The following IGF2R variants were observed in gnomAD, a reference collection of about 807,000 sequenced individuals.
IGF2R encodes the protein insulin like growth factor 2 receptor, also known as cation-independent mannose-6-phosphate receptor.
A neutral mutation model predicts 270.6 loss-of-function variants in IGF2R; 91 were observed. The observed-to-expected ratio is 0.34, with a 90% confidence interval of 0.28 to 0.40. The LOEUF is 0.40. Ranked by LOEUF, IGF2R falls within the 10% of genes least tolerant of loss-of-function variation. IGF2R has a pLI of 1.00. For missense variants in IGF2R, 2,805 were observed against 3,188.3 expected (o/e 0.88, Z 2.90); for synonymous variants, 1,316 against 1,258.9 (o/e 1.05, Z -0.96).
intron 2 of IGF2R, among the ~76,000 whole-genome samples, chr6:160,007,951 A>G (rs1374500689): frequency 6.6e-6 from 1 of 152,224 alleles, no homozygotes. Flanking sequence ...TGATGTTTAC[A>G]TCTTTAATCC....
chr6:160,030,670 T>G (rs985652702), intron 7 of IGF2R, among the ~76,000 whole-genome samples: 4 of 152,202 alleles, frequency 2.6e-5, no homozygotes, highest in African/African-American at 9.7e-5. Context: ...TTTTCCCTTT[T>G]TATTTGTTCT....
At chr6:159,974,382 G>A (rs1048329487) in intron 1 of IGF2R, among the ~76,000 whole-genome samples, 1 of 152,028 alleles carries the variant, frequency 6.6e-6, no homozygotes, top group African/African-American at 2.4e-5. Flanking sequence ...AATTGTTTTT[G>A]GGTTCTTCTC....
intron 1 of IGF2R, among the ~76,000 whole-genome samples, chr6:159,983,894 C>T (rs548708311): frequency 3.8e-4 from 58 of 152,066 alleles, no homozygotes; most frequent in Non-Finnish European, 6.3e-4. Flanking sequence ...CCATGGAAAC[C>T]AGTTGGGTAT....
chr6:160,047,079 G>A (rs1322129957), intron 15 of IGF2R, 80 bp from the exon 16 acceptor site: 7 of 1,366,544 alleles, frequency 5.1e-6, no homozygotes, highest in Admixed American at 1.7e-5. Flanking sequence ...CGTCGCTCAC[G>A]GGCCCTCCCT....
chr6:160,022,257 C>G, intron 4 of IGF2R, among the ~76,000 whole-genome samples: 1 of 152,058 alleles, frequency 6.6e-6, no homozygotes. Flanking sequence ...GGTGGGAGGG[C>G]AGTGAGGGTT....
At chr6:160,001,432 T>G (rs1043308052) in intron 2 of IGF2R, among the ~76,000 whole-genome samples, 5 of 152,060 alleles carry the variant, frequency 3.3e-5, no homozygotes, top group African/African-American at 1.2e-4. Context: ...GTTGTATAAT[T>G]ATTTCAATTA....
intron 44 of IGF2R, chr6:160,095,131 T>A (rs1386354555): frequency 6.6e-6 from 1 of 152,156 alleles, no homozygotes; most frequent in Non-Finnish European, 1.5e-5. Flanking sequence ...ACTTTGTACC[T>A]ATGGGGCGTC....
chr6:160,034,376 G>C (rs750143478), intron 9 of IGF2R, 43 bp from the exon 10 acceptor site: 1 of 1,292,996 alleles, frequency 7.7e-7, no homozygotes, highest in South Asian at 1.2e-5. Context: ...TTTTTTTCTT[G>C]GTTCTCCCAA....
chr6:159,994,981 C>T (rs1424405716), intron 2 of IGF2R, among the ~76,000 whole-genome samples: 1 of 152,008 alleles, frequency 6.6e-6, no homozygotes, highest in Non-Finnish European at 1.5e-5. Context: ...AATTTAAGTT[C>T]AGTGTTTTAT....
rs144295557 is a variant in IGF2R, at chr6:160,090,009, G to A, written c.6561G>A (p.Ala2187=). 4.9e-5 allele frequency: 79 copies of A among 1,606,126 alleles called. No individual in the cohort carries two copies. Among genetic ancestry groups the A allele is most frequent in the African/African-American group, 9.4e-5 (7 of 74,672 alleles). ...CCATCACAAGCTCCAGAAACCCGGC[G>A]TGCTCTGGAGCCAACATATGCCAGG... ...LSSITSSRNP[A]CSGANICQVK... is the part of the protein sequence containing the mutation. The change falls in exon 44 of 48, where the codon GCG becomes GCA. Residue 2187 remains alanine (A), a synonymous_variant. Coordinates refer to ENST00000356956, the MANE Select transcript of IGF2R (RefSeq NM_000876.4).
At chr6:160,096,730 C>A in intron 45 of IGF2R, 105 bp downstream of exon 45, 3 of 948,760 alleles carry the variant, frequency 3.2e-6, no homozygotes, top group Non-Finnish European at 4.7e-6. Flanking sequence ...ATATTCAGAA[C>A]ATGCACCAAA....
At position 160,106,841 on chromosome 6, in the gene IGF2R, T is replaced by G. The variant is rs537358105; in HGVS notation, c.*1757T>G. On this transcript the variant is annotated 3_prime_UTR_variant, in exon 48 of 48. Coordinates refer to ENST00000356956, the MANE Select transcript of IGF2R (RefSeq NM_000876.4). ...TCATCAAAACAATGAACATGGAGTT[T>G]AGAGTCCAGTGAGTCAATAAAGCTT... 1.3e-5 allele frequency: 2 copies of G among 152,228 alleles called. No individual in the cohort carries two copies. Among genetic ancestry groups the G allele is most frequent in the Non-Finnish European group, 2.9e-5 (2 of 68,044 alleles). The allele number at this position is 152,228 out of a possible 1,614,324, so 9.4% of individuals were successfully genotyped here.
chr6:159,975,704 AG>A lies in IGF2R; in HGVS notation c.149+6310del, dbSNP rs1403784202. Among the ~76,000 whole-genome samples the A allele has an allele frequency of 1.6e-4, 24 of 147,038 alleles. No homozygotes were observed. In the East Asian group the frequency reaches 2.3e-3, roughly 14 times the overall value. On this transcript the variant is annotated intron_variant, in intron 1 of 47. Transcript: ENST00000356956. ...TATATTTATATATATATATATATAA[AG>A]TATATGTATTGTGTATATATTATAT...
At chr6:159,986,272 C>G (rs1359620655) in intron 1 of IGF2R, among the ~76,000 whole-genome samples, 1 of 150,680 alleles carries the variant, frequency 6.6e-6, no homozygotes, top group African/African-American at 2.5e-5. Context: ...CACTCTGTCA[C>G]CCAGTCTGGA....
rs998523561 is a variant in IGF2R, at chr6:160,108,509, G to T, written c.*3425G>T. 1.3e-5 allele frequency: 2 copies of T among 152,376 alleles called. No homozygotes were observed. The highest frequency in any genetic ancestry group is 4.8e-5 in the African/African-American group (2 of 41,452). The allele number at this position is 152,376 out of a possible 1,614,324, so 9.4% of individuals were successfully genotyped here. Reference sequence around the variant, plus strand: ...AGAGATGGAGACGCTTCAGCAACCAGATGGGAGGTTGGGCATGGGAGCTGT... The same window carrying T: ...AGAGATGGAGACGCTTCAGCAACCATATGGGAGGTTGGGCATGGGAGCTGT... On this transcript the variant is annotated 3_prime_UTR_variant, in exon 48 of 48. Transcript: ENST00000356956.
intron 2 of IGF2R, chr6:160,005,216 T>C (rs1784197831): frequency 6.6e-6 from 1 of 152,286 alleles, no homozygotes; most frequent in Non-Finnish European, 1.5e-5. Context: ...TCTAATGTGG[T>C]TCTAAGGAGG....
Position 160,079,594 on chromosome 6 carries a change from G to A in IGF2R, c.5493G>A (p.Ser1831=), listed in dbSNP as rs377464289. The A allele has an allele frequency of 1.4e-4, 196 of 1,449,496 alleles. No homozygotes were observed. Among genetic ancestry groups the A allele is most frequent in the Non-Finnish European group, 1.6e-4 (179 of 1,096,208 alleles). 89.8% of individuals were successfully genotyped at this position (1,449,496 alleles called of 1,614,324 possible). A position where few individuals can be genotyped will look rare whatever the true frequency, so the allele number is the denominator to read the frequency against. The change falls in exon 38 of 48, where the codon TCG becomes TCA. Residue 1831 remains serine, a synonymous_variant. Transcript: ENST00000356956. The part of the protein sequence containing the change: ...STSTFKVTRD[S]RTYSVGVCTF... ...TTTTTGTCCAGGTGACTCGCGACTC[G>A]CGCACCTACAGCGTTGGGGTGTGCA...
Position 160,102,577 on chromosome 6 carries a change from G to A in IGF2R, c.6901G>A (p.Glu2301Lys), listed in dbSNP as rs149190879. Residue 2301 changes from glutamate to lysine, a missense_variant, in exon 46 of 48, where the codon GAA becomes AAA. By Grantham distance (56) the Glu-to-Lys change is moderately conservative. Coordinates refer to ENST00000356956, the MANE Select transcript of IGF2R (RefSeq NM_000876.4). This position sits in a 1 kb window ranked among gnomAD's most constrained non-coding sequence, Gnocchi z 4.5. Reference protein sequence around the residue: ...DDGQMHKGLSERSQAVGAVLS... With the variant: ...DDGQMHKGLSKRSQAVGAVLS... ...CGGGCAGATGCACAAGGGGCTGTCA[G>A]AACGGAGCCAGGCAGTCGGCGCGGT... 3 of 1,613,690 alleles carry A rather than the reference G, an allele frequency of 1.9e-6. No homozygotes were observed. Among genetic ancestry groups the A allele is most frequent in the South Asian group, 2.2e-5 (2 of 91,054 alleles).
chr6:159,975,895 A>G (rs1391362878), intron 1 of IGF2R, among the ~76,000 whole-genome samples: 1 of 151,414 alleles, frequency 6.6e-6, no homozygotes, highest in East Asian at 1.9e-4. Context: ...TCTGTTTACT[A>G]ATACTTTATG....
Sources: allele counts gnomAD v4.1 joint callset (sites outside exome capture counted in the v4.1 genomes callset), GRCh38; gene constraint gnomAD v4.1.1; non-coding constraint Gnocchi (gnomAD v3.1); transcripts MANE v1.5; gene names NCBI Gene and HGNC (gene_info 2026-07-23, HGNC 2026-07-21).